Variants in ANTXR1 observed in about 807,000 individuals in gnomAD.
ANTXR1 encodes ANTXR cell adhesion molecule 1.
In ANTXR1, 19 loss-of-function variants were observed where a neutral mutation model predicts 78.1. That is an observed-to-expected ratio of 0.24 (90% CI 0.17 to 0.36). The LOEUF (loss-of-function observed/expected upper bound fraction) is 0.36, where lower values mean the gene tolerates loss of function less well. ANTXR1 is among the 10% of genes least tolerant of loss of function. The pLI is 1.00. For missense variants in ANTXR1, 518 were observed against 718.6 expected (o/e 0.72, Z 3.19); for synonymous variants, 273 against 260.5 (o/e 1.05, Z -0.46).
Position 69,118,732 on chromosome 2 carries a change from G to A in ANTXR1, c.803-4285G>A, listed in dbSNP as rs564001075. On this transcript the variant is annotated intron_variant, in intron 10 of 17. Coordinates refer to ENST00000303714, the MANE Select transcript of ANTXR1 (RefSeq NM_032208.3). The stretch of plus-strand genomic sequence containing the variant: ...GGCTGGCACGGCCCTGGGGCCAAAC[G>A]TGGCACGGCCGAGGTGCAGCAAGGA... Among the ~76,000 whole-genome samples, 24 of 152,290 alleles carry A rather than the reference G, an allele frequency of 1.6e-4. No individual in the cohort carries two copies. The East Asian group carries it at 1.7e-3, about 11-fold the overall frequency.
chr2:69,109,505 G>C (rs531359518), intron 10 of ANTXR1, among the ~76,000 whole-genome samples: 3 of 152,330 alleles, frequency 2.0e-5, no homozygotes, highest in South Asian at 4.1e-4. Context: ...CACCACAGTA[G>C]GCGAACTGAG....
chr2:69,233,815 A>G (rs1311880689), intron 17 of ANTXR1, among the ~76,000 whole-genome samples: 1 of 152,048 alleles, frequency 6.6e-6, no homozygotes, highest in Non-Finnish European at 1.5e-5. Flanking sequence ...AATATTAGAA[A>G]TGGAAAATAT....
chr2:69,236,610 A>G (rs778730174), intron 17 of ANTXR1, among the ~76,000 whole-genome samples: 1 of 152,250 alleles, frequency 6.6e-6, no homozygotes, highest in Non-Finnish European at 1.5e-5. Context: ...AAATGTGCAT[A>G]AACTTTGACC....
rs1210148887 is a variant in ANTXR1 at position 69,248,969 on chromosome 2, T to G, written c.*3484T>G. On this transcript the variant is annotated 3_prime_UTR_variant, in exon 18 of 18. Transcript: ENST00000303714. ...ATTAAAAGAATTAGAATATGATTTT[T>G]AATACACTTAACATTAAACTCTTCT... The G allele has an allele frequency of 1.3e-5, 2 of 152,240 alleles. No individual in the cohort carries two copies. The highest frequency in any genetic ancestry group is 2.4e-5 in the African/African-American group (1 of 41,466). The allele number at this position is 152,240 out of a possible 1,614,324, so 9.4% of individuals were successfully genotyped here. A position where few individuals can be genotyped will look rare whatever the true frequency, so the allele number is the denominator to read the frequency against.
At chr2:69,104,464 G>C (rs1671738889) in intron 10 of ANTXR1, among the ~76,000 whole-genome samples, 1 of 152,186 alleles carries the variant, frequency 6.6e-6, no homozygotes, top group Non-Finnish European at 1.5e-5. Flanking sequence ...GATCCAAAAA[G>C]TACGTGCTAT....
intron 1 of ANTXR1, among the ~76,000 whole-genome samples, chr2:69,038,282 A>G (rs965083199): frequency 5.3e-5 from 8 of 152,182 alleles, no homozygotes; most frequent in Non-Finnish European, 7.3e-5. Flanking sequence ...GTGCTGGGTG[A>G]TGTTATTTTT....
chr2:69,071,883 A>T (rs749587178), intron 5 of ANTXR1, 96 bp downstream of exon 5: 44 of 1,096,894 alleles, frequency 4.0e-5, no homozygotes, highest in Non-Finnish European at 6.0e-5. Context: ...TTCAAAAGAC[A>T]TGTATGATAT....
At chr2:69,153,230 AT>A (rs1435256530) in intron 13 of ANTXR1, among the ~76,000 whole-genome samples, 2 of 152,020 alleles carry the variant, frequency 1.3e-5, no homozygotes, top group African/African-American at 4.8e-5. Flanking sequence ...ACTCATCTTC[AT>A]TTTCCCTCTG....
chr2:69,016,219 C>A (rs569820475), intron 1 of ANTXR1, among the ~76,000 whole-genome samples: 1 of 152,196 alleles, frequency 6.6e-6, no homozygotes, highest in Admixed American at 6.5e-5. Flanking sequence ...GTAGTTAGTG[C>A]GATTGAGGAA....
intron 1 of ANTXR1, among the ~76,000 whole-genome samples, chr2:69,039,243 T>C (rs920798545): frequency 6.6e-6 from 1 of 152,144 alleles, no homozygotes; most frequent in African/African-American, 2.4e-5. Flanking sequence ...ACAAACTGAA[T>C]ATGAGCACTA....
chr2:69,219,562 T>C (rs1020361080), intron 17 of ANTXR1, among the ~76,000 whole-genome samples: 5 of 152,258 alleles, frequency 3.3e-5, no homozygotes, highest in Non-Finnish European at 2.9e-5. Flanking sequence ...CTGAGTTGTA[T>C]TGAGTCCTTC....
intron 1 of ANTXR1, among the ~76,000 whole-genome samples, chr2:69,020,969 C>T (rs772626958): frequency 2.6e-4 from 39 of 152,150 alleles, no homozygotes; most frequent in Non-Finnish European, 3.8e-4. Context: ...AGGAAGAAGT[C>T]CCAGGCTGTC....
intron 3 of ANTXR1, 67 bp downstream of exon 3, chr2:69,044,880 C>T (rs1040340096): frequency 1.6e-5 from 24 of 1,487,536 alleles, no homozygotes; most frequent in Non-Finnish European, 2.3e-5. Context: ...GAGATTTGTG[C>T]TCTGGTGCCA....
intron 13 of ANTXR1, among the ~76,000 whole-genome samples, chr2:69,154,858 A>C (rs1012134276): frequency 2.0e-5 from 3 of 152,204 alleles, no homozygotes; most frequent in African/African-American, 7.2e-5. Flanking sequence ...ACATTAACCC[A>C]CAGTGGCTGG....
chr2:69,156,960 T>A (rs1005663367), intron 13 of ANTXR1, among the ~76,000 whole-genome samples: 3 of 152,198 alleles, frequency 2.0e-5, no homozygotes, highest in African/African-American at 7.2e-5. Flanking sequence ...TCCTTCATGC[T>A]ACTCTCTTCT....
intron 8 of ANTXR1, among the ~76,000 whole-genome samples, chr2:69,087,278 T>A (rs1671082880): frequency 6.6e-6 from 1 of 152,228 alleles, no homozygotes; most frequent in Non-Finnish European, 1.5e-5. Flanking sequence ...TGCTATGGGC[T>A]CTGCCTGTGT....
chr2:69,152,306 C>A, intron 13 of ANTXR1, 42 bp downstream of exon 13: 1 of 1,580,356 alleles, frequency 6.3e-7, no homozygotes, highest in Non-Finnish European at 8.7e-7. Flanking sequence ...TGAAGGGTGA[C>A]ATAAAGTTCA....
chr2:69,249,323 A>G lies in ANTXR1; in HGVS notation c.*3838A>G, dbSNP rs1458032517. 1 of 152,138 alleles carries G rather than the reference A, an allele frequency of 6.6e-6. No individual in the cohort carries two copies. The highest frequency in any genetic ancestry group is 1.5e-5 in the Non-Finnish European group (1 of 68,022). The allele number at this position is 152,138 out of a possible 1,614,324, so 9.4% of individuals were successfully genotyped here. A position where few individuals can be genotyped will look rare whatever the true frequency, so the allele number is the denominator to read the frequency against. ...TTAAAAAAAATAATAAATTTCTTAA[A>G]TCAACTCTTTTTTCTGGTTATTTGT... On this transcript the variant is annotated 3_prime_UTR_variant, in exon 18 of 18. Coordinates refer to ENST00000303714, the MANE Select transcript of ANTXR1 (RefSeq NM_032208.3).
At chr2:69,208,719 G>T (rs181435475) in intron 17 of ANTXR1, among the ~76,000 whole-genome samples, 1 of 152,316 alleles carries the variant, frequency 6.6e-6, no homozygotes, top group African/African-American at 2.4e-5. Flanking sequence ...TTTCCATACA[G>T]GCCCTGAGTT....
Sources: allele counts gnomAD v4.1 joint callset (sites outside exome capture counted in the v4.1 genomes callset), GRCh38; gene constraint gnomAD v4.1.1; transcripts MANE v1.5; gene names NCBI Gene and HGNC (gene_info 2026-07-23, HGNC 2026-07-21).